MPDZ: variants seen among roughly 807,000 people sequenced by gnomAD.
MPDZ encodes the protein multiple PDZ domain protein.
MPDZ carries 234 observed loss-of-function variants against 239.1 expected under a neutral mutation model. That is an observed-to-expected ratio of 0.98 (90% confidence interval 0.88 to 1.09). MPDZ has a LOEUF of 1.09. MPDZ is among the 50% of genes least tolerant of loss of function. MPDZ has a pLI of 0.00. For missense variants in MPDZ, 3,175 were observed against 2,510.0 expected, an observed-to-expected ratio of 1.26 and a Z score of -5.66; for synonymous variants, 1,048 against 881.3, an observed-to-expected ratio of 1.19 and a Z score of -3.35.
At chr9:13,143,399 C>A (rs957281812) in intron 27 of MPDZ, 67 bp downstream of exon 27, 7 of 1,191,278 alleles carry the variant, frequency 5.9e-6, no homozygotes, top group Non-Finnish European at 8.7e-6. Context: ...GACAAAGACA[C>A]AGTAGTAACA....
At chr9:13,155,127 G>T (rs1169679092) in intron 24 of MPDZ, among the ~76,000 whole-genome samples, 4 of 150,090 alleles carry the variant, frequency 2.7e-5, no homozygotes, top group Non-Finnish European at 5.9e-5. Flanking sequence ...TGAGGCAGGA[G>T]AATTCGCTCT....
chr9:13,175,683 A>G, intron 21 of MPDZ, 69 bp downstream of exon 21: 1 of 1,476,522 alleles, frequency 6.8e-7, no homozygotes, highest in Non-Finnish European at 9.2e-7. Flanking sequence ...ATTGAAATTT[A>G]CCATGTTCAA....
chr9:13,209,014 A>G (rs899065378), intron 10 of MPDZ, among the ~76,000 whole-genome samples: 1 of 152,182 alleles, frequency 6.6e-6, no homozygotes, highest in African/African-American at 2.4e-5. Flanking sequence ...AGGAATTTCT[A>G]CTAGAAATGG....
chr9:13,159,976 T>C (rs1587375657), intron 23 of MPDZ, among the ~76,000 whole-genome samples: 1 of 152,190 alleles, frequency 6.6e-6, no homozygotes. Flanking sequence ...TTATCAACTA[T>C]AATAAGTAGA....
intron 16 of MPDZ, among the ~76,000 whole-genome samples, chr9:13,189,866 G>A (rs547286982): frequency 2.6e-4 from 40 of 151,798 alleles, no homozygotes; most frequent in African/African-American, 8.7e-4. Flanking sequence ...CCCAAATAAC[G>A]AAAAAACACC....
At chr9:13,188,095 G>C (rs986207808) in intron 17 of MPDZ, among the ~76,000 whole-genome samples, 1 of 152,078 alleles carries the variant, frequency 6.6e-6, no homozygotes, top group Admixed American at 6.6e-5. Context: ...ATCCCACTGT[G>C]ATTAAAGATT....
rs938045548 is a variant in MPDZ at position 13,106,998 on chromosome 9, T to G, written c.6180A>C (p.Thr2060=). 2 of 1,613,730 alleles carry G rather than the reference T, an allele frequency of 1.2e-6. No homozygotes were observed. The highest frequency in any genetic ancestry group is 1.7e-6 in the Non-Finnish European group (2 of 1,179,660). ...HEEAVAILKR[T]KGTVTLMVLS ...GAACCATCAAAGTGACAGTGCCTTTTGTCCGTTTAAGGATGGCAACAGCTT... is the reference window on the plus strand; with the variant it reads ...GAACCATCAAAGTGACAGTGCCTTTGGTCCGTTTAAGGATGGCAACAGCTT... Residue 2060 remains threonine (T), a synonymous_variant, in exon 47 of 47, where the codon ACA becomes ACC. Transcript: ENST00000319217.
intron 21 of MPDZ, among the ~76,000 whole-genome samples, chr9:13,174,504 T>C (rs1952206308): frequency 6.6e-6 from 1 of 152,178 alleles, no homozygotes; most frequent in African/African-American, 2.4e-5. Context: ...TCTTAGTGAT[T>C]CACAATGCAC....
At position 13,216,730 on chromosome 9, in the gene MPDZ, C is replaced by G. The variant is rs367612763; in HGVS notation, c.1290+44G>C. The G allele has an allele frequency of 9.9e-6, 14 of 1,419,986 alleles. No homozygotes were observed. The East Asian group carries it at 3.2e-4, about 33-fold the overall frequency. The allele number at this position is 1,419,986 out of a possible 1,614,324, so 88.0% of individuals were successfully genotyped here. ...AAGTAAACTAGGAGAATACAATTCT[C>G]AACCATGAAAATTAACAAAGCTATT... On this transcript the variant is annotated intron_variant, in intron 10 of 46. Coordinates refer to ENST00000319217, the MANE Select transcript of MPDZ (RefSeq NM_001378778.1).
intron 1 of MPDZ, among the ~76,000 whole-genome samples, chr9:13,274,299 T>C (rs2139425716): frequency 6.6e-6 from 1 of 152,176 alleles, no homozygotes; most frequent in African/African-American, 2.4e-5. Context: ...TTTTTTCTTC[T>C]TTTTTAATAA....
intron 21 of MPDZ, among the ~76,000 whole-genome samples, chr9:13,174,423 G>A (rs1952194667): frequency 6.6e-6 from 1 of 152,114 alleles, no homozygotes; most frequent in East Asian, 1.9e-4. Flanking sequence ...CAAAATCTCT[G>A]CCTTATCAAT....
intron 22 of MPDZ, among the ~76,000 whole-genome samples, chr9:13,165,065 G>C (rs1284444255): frequency 1.3e-5 from 2 of 152,116 alleles, no homozygotes; most frequent in African/African-American, 2.4e-5. Flanking sequence ...TATTAATGCA[G>C]AGACTATTCC....
Position 13,110,834 on chromosome 9 carries a change from C to A in MPDZ, c.5725-94G>T, listed in dbSNP as rs1011377644. ...TATTCATTTCCTTCTCCACCTTCCA[C>A]ATGACATATATACTGCTACCAGCCA... On this transcript the variant is annotated intron_variant, in intron 43 of 46. Coordinates refer to ENST00000319217, the MANE Select transcript of MPDZ (RefSeq NM_001378778.1). The A allele has an allele frequency of 2.9e-5, 23 of 785,140 alleles. No homozygotes were observed. The African/African-American group carries it at 3.6e-4, about 12-fold the overall frequency. 48.6% of individuals were successfully genotyped at this position (785,140 alleles called of 1,614,324 possible).
At chr9:13,238,309 G>A (rs2137169686) in intron 3 of MPDZ, among the ~76,000 whole-genome samples, 1 of 152,288 alleles carries the variant, frequency 6.6e-6, no homozygotes, top group East Asian at 1.9e-4. Context: ...GAGCCAAGTG[G>A]AAAGTCCACT....
chr9:13,115,905 A>ACTGCACTC lies in MPDZ; in HGVS notation c.5380-579_5380-572dup, dbSNP rs545498586. On this transcript the variant is annotated intron_variant, in intron 39 of 46. Coordinates refer to ENST00000319217, the MANE Select transcript of MPDZ (RefSeq NM_001378778.1). ...GCTTGCAGTGAGCCAAGATCATGCC[A>ACTGCACTC]CTGCACTCCACCTGGGTGACAGAGC... Among the ~76,000 whole-genome samples the ACTGCACTC allele has an allele frequency of 1.7e-4, 24 of 145,336 alleles. No homozygotes were observed. In the South Asian group the frequency reaches 5.2e-3, roughly 32 times the overall value.
intron 1 of MPDZ, among the ~76,000 whole-genome samples, chr9:13,251,130 AAAAAAAAAAAAAAAAAAAAAAGG>A (rs1967882806): frequency 7.0e-6 from 1 of 141,880 alleles, no homozygotes; most frequent in African/African-American, 2.6e-5. Context: ...CTCCATCTCA[AAAAAAAAAAAAAAAAAAAAAAGG>A]AAAAGAAAAG....
At chr9:13,231,276 A>T (rs1434745374) in intron 3 of MPDZ, among the ~76,000 whole-genome samples, 3 of 152,110 alleles carry the variant, frequency 2.0e-5, no homozygotes, top group Non-Finnish European at 4.4e-5. Context: ...TCAAAATATC[A>T]ATAGTTTGGC....
At chr9:13,122,366 T>A (rs544005752) in intron 36 of MPDZ, among the ~76,000 whole-genome samples, 196 bp from the exon 37 acceptor site, 1 of 152,256 alleles carries the variant, frequency 6.6e-6, no homozygotes, top group Non-Finnish European at 1.5e-5. Flanking sequence ...GAGCTTATAC[T>A]TTTTTCCTAA....
intron 21 of MPDZ, among the ~76,000 whole-genome samples, chr9:13,173,142 A>G (rs533608390): frequency 1.3e-5 from 2 of 152,210 alleles, no homozygotes; most frequent in Non-Finnish European, 2.9e-5. Context: ...TAATTGTTTA[A>G]TGGATACAGC....
Sources: allele counts gnomAD v4.1 joint callset (sites outside exome capture counted in the v4.1 genomes callset), GRCh38; gene constraint gnomAD v4.1.1; transcripts MANE v1.5; gene names NCBI Gene and HGNC (gene_info 2026-07-23, HGNC 2026-07-21).